Variants in ATRNL1 observed in about 807,000 individuals in gnomAD.
ATRNL1 encodes the protein attractin like 1, also known as attractin-like protein 1.
ATRNL1 carries 95 observed loss-of-function variants against 182.7 expected under a neutral mutation model. The ratio of observed to expected loss-of-function variants is 0.52; its 90% CI spans 0.44 to 0.62. ATRNL1 has a LOEUF of 0.62. ATRNL1 is among the 20% of genes least tolerant of loss of function. The pLI, the probability that ATRNL1 is intolerant of heterozygous loss-of-function variation, is 0.00. For synonymous variants in ATRNL1, 576 were observed against 568.3 expected (o/e 1.01, Z -0.19); for missense variants, 1,471 against 1,679.5 (o/e 0.88, Z 2.17).
intron 25 of ATRNL1, among the ~76,000 whole-genome samples, chr10:115,520,184 C>T (rs776316951): frequency 6.6e-6 from 1 of 152,178 alleles, no homozygotes; most frequent in Non-Finnish European, 1.5e-5. Context: ...TTAACCAACA[C>T]TCACCAACTT....
At chr10:115,336,985 G>T (rs898115593) in intron 19 of ATRNL1, among the ~76,000 whole-genome samples, 6 of 146,850 alleles carry the variant, frequency 4.1e-5, no homozygotes, top group Non-Finnish European at 8.9e-5. Flanking sequence ...AGCTGGGGGG[G>T]GGGGACTACA....
intron 17 of ATRNL1, among the ~76,000 whole-genome samples, chr10:115,307,847 G>A (rs1257076840): frequency 6.6e-6 from 1 of 152,110 alleles, no homozygotes; most frequent in Non-Finnish European, 1.5e-5. Flanking sequence ...CTCTTTCATA[G>A]GTGTCAGCTT....
chr10:115,195,412 C>A (rs1222357416), intron 8 of ATRNL1, among the ~76,000 whole-genome samples: 1 of 152,044 alleles, frequency 6.6e-6, no homozygotes, highest in Non-Finnish European at 1.5e-5. Context: ...TCCTTCAGCA[C>A]TTTGAAAATG....
At chr10:115,282,618 T>C (rs893165942) in intron 14 of ATRNL1, among the ~76,000 whole-genome samples, 4 of 152,124 alleles carry the variant, frequency 2.6e-5, no homozygotes, top group Admixed American at 2.0e-4. Flanking sequence ...AAGATAAAAT[T>C]AGAAAATTGA....
intron 8 of ATRNL1, among the ~76,000 whole-genome samples, chr10:115,199,445 T>C (rs1460006064): frequency 2.6e-5 from 4 of 151,964 alleles, no homozygotes; most frequent in Admixed American, 2.0e-4. Flanking sequence ...GTGCCTTTAG[T>C]CCCAGCTACT....
Position 115,940,288 on chromosome 10 carries a change from G to A in ATRNL1, c.4019-4370G>A, listed in dbSNP as rs138226717. ...GGAAGTGAGGACATAAATTAGGGAA[G>A]CTGTTTATTAATCAAGTCCTGGCCA... On this transcript the variant is annotated intron_variant, in intron 28 of 28. Coordinates refer to ENST00000355044, the MANE Select transcript of ATRNL1 (RefSeq NM_207303.4). Among the ~76,000 whole-genome samples the A allele has an allele frequency of 8.4e-4, 128 of 152,306 alleles. 1 individual carries two copies. Among genetic ancestry groups the A allele is most frequent in the African/African-American group, 2.7e-3 (113 of 41,566 alleles).
intron 26 of ATRNL1, among the ~76,000 whole-genome samples, chr10:115,559,443 T>TGTGTGTGTGCGCGC (rs200694810): frequency 1.0e-3 from 80 of 77,860 alleles, no homozygotes; most frequent in Non-Finnish European, 1.4e-3. Context: ...TGTGTGTGTG[T>TGTGTGTGTGCGCGC]GCGCGCGCGC....
chr10:115,772,883 C>A (rs1018928296), intron 27 of ATRNL1, among the ~76,000 whole-genome samples: 5 of 152,022 alleles, frequency 3.3e-5, no homozygotes, highest in Admixed American at 6.6e-5. Flanking sequence ...ATGCTGTGAG[C>A]AGAGAAATTT....
At chr10:115,247,490 C>T (rs1445902942) in intron 10 of ATRNL1, among the ~76,000 whole-genome samples, 1 of 152,074 alleles carries the variant, frequency 6.6e-6, no homozygotes, top group Non-Finnish European at 1.5e-5. Flanking sequence ...TCATCTCACG[C>T]CATTTAGGAT....
At chr10:115,370,918 T>C (rs1564966820) in intron 19 of ATRNL1, among the ~76,000 whole-genome samples, 1 of 152,260 alleles carries the variant, frequency 6.6e-6, no homozygotes, top group East Asian at 1.9e-4. Context: ...ACATTTTTTG[T>C]AGGCCAGGCC....
In ATRNL1 at chr10:115,724,652, T is replaced by A. The variant is rs552614455; in HGVS notation, c.3796-2596T>A. Among the ~76,000 whole-genome samples the A allele has an allele frequency of 4.7e-4, 71 of 152,252 alleles. 2 individuals are homozygous for A. The South Asian group carries it at 0.014, about 31-fold the overall frequency. On this transcript the variant is annotated intron_variant, in intron 26 of 28. Transcript: ENST00000355044. ...TTCAACAGCTGGGATTTAAAACAGG[T>A]CCTCTAAGGTATAGGCGTAGTGTAG...
intron 9 of ATRNL1, 53 bp from the exon 10 acceptor site, chr10:115,241,518 A>G: frequency 7.6e-7 from 1 of 1,310,020 alleles, no homozygotes; most frequent in African/African-American, 1.5e-5. Flanking sequence ...CATATATAAA[A>G]TCAGGGAGGT....
chr10:115,871,467 CTTTGTGTGTGTGTATA>C (rs1387399832), intron 28 of ATRNL1, among the ~76,000 whole-genome samples: 1 of 16,544 alleles, frequency 6.0e-5, no homozygotes, highest in African/African-American at 8.6e-5. Flanking sequence ...TGGTCAGATT[CTTTGTGTGTGTGTATA>C]TATATATATA....
In ATRNL1 at chr10:115,410,470, C is replaced by T. The variant is rs919218580; in HGVS notation, c.3269+15718C>T. On this transcript the variant is annotated intron_variant, in intron 20 of 28. Coordinates refer to ENST00000355044, the MANE Select transcript of ATRNL1 (RefSeq NM_207303.4). The stretch of plus-strand genomic sequence containing the variant: ...CCGAGTAGCTGGGACTACAGGTGTG[C>T]ACCACACACCCAGCTAATTTTTGTA... Among the ~76,000 whole-genome samples, 8 of 151,640 alleles carry T rather than the reference C, an allele frequency of 5.3e-5. No individual in the cohort carries two copies. In the South Asian group the frequency reaches 1.7e-3, roughly 32 times the overall value.
intron 26 of ATRNL1, among the ~76,000 whole-genome samples, chr10:115,698,876 A>C (rs1384045655): frequency 6.6e-6 from 1 of 152,156 alleles, no homozygotes; most frequent in Non-Finnish European, 1.5e-5. Context: ...TTTTTGTATT[A>C]AGTTATTAAA....
chr10:115,747,669 G>A (rs1948331961), intron 27 of ATRNL1, among the ~76,000 whole-genome samples: 1 of 151,958 alleles, frequency 6.6e-6, no homozygotes, highest in Admixed American at 6.6e-5. Context: ...GTTCCCACCA[G>A]TGATCTTCAC....
chr10:115,857,179 A>G (rs1197449595), intron 28 of ATRNL1, among the ~76,000 whole-genome samples: 1 of 152,186 alleles, frequency 6.6e-6, no homozygotes, highest in Admixed American at 6.5e-5. Flanking sequence ...AATATATAAC[A>G]TATACAACAT....
At chr10:115,339,140 T>G (rs1246556079) in intron 19 of ATRNL1, among the ~76,000 whole-genome samples, 1 of 152,206 alleles carries the variant, frequency 6.6e-6, no homozygotes, top group Non-Finnish European at 1.5e-5. Flanking sequence ...TAGTATACCT[T>G]GAAGTCAGGT....
intron 7 of ATRNL1, among the ~76,000 whole-genome samples, chr10:115,165,891 A>C (rs1204529199): frequency 6.6e-6 from 1 of 152,130 alleles, no homozygotes; most frequent in African/African-American, 2.4e-5. Context: ...CTAGTCAATC[A>C]CTTAAAAAAA....
Sources: allele counts gnomAD v4.1 joint callset (sites outside exome capture counted in the v4.1 genomes callset), GRCh38; gene constraint gnomAD v4.1.1; transcripts MANE v1.5; gene names NCBI Gene and HGNC (gene_info 2026-07-23, HGNC 2026-07-21).